Variants in PCDHA4 observed in about 807,000 individuals in gnomAD.
PCDHA4 encodes the protein protocadherin alpha-4.
Under a neutral mutation model 61.4 loss-of-function variants are expected in PCDHA4, and 49 were observed. That is an observed-to-expected ratio of 0.80 (90% confidence interval 0.63 to 1.01). PCDHA4 has a LOEUF of 1.01. Ranked by LOEUF, PCDHA4 falls within the 50% of genes least tolerant of loss-of-function variation. PCDHA4 has a pLI of 0.00. For missense variants in PCDHA4, 1,254 were observed against 1,235.8 expected (o/e 1.01, Z -0.22); for synonymous variants, 590 against 550.3 (o/e 1.07, Z -1.01).
At chr5:140,841,789 C>A (rs2150322679) in intron 1 of PCDHA4, 20 of 1,613,730 alleles carry the variant, frequency 1.2e-5, no homozygotes, top group Non-Finnish European at 1.6e-5. Context: ...CGCTAGAGGG[C>A]GCGTCCGATG....
At chr5:140,877,696 T>C (rs1554169994) in intron 1 of PCDHA4, 1 of 1,613,838 alleles carries the variant, frequency 6.2e-7, no homozygotes, top group South Asian at 1.1e-5. Flanking sequence ...GCTGGTGTGC[T>C]CCAGCGCCGT....
At chr5:140,851,653 A>G (rs1438249700) in intron 1 of PCDHA4, 1 of 911,018 alleles carries the variant, frequency 1.1e-6, no homozygotes, top group Non-Finnish European at 1.3e-6. Flanking sequence ...TCAAGAAGAC[A>G]TTCTCCTTTT....
At position 140,828,215 on chromosome 5, in the gene PCDHA4, G is replaced by C. The variant is rs2150152436; in HGVS notation, c.2385+18643G>C. On this transcript the variant is annotated intron_variant, in intron 1 of 3. Coordinates refer to ENST00000530339, the MANE Select transcript of PCDHA4 (RefSeq NM_018907.4). Reference sequence around the variant, plus strand: ...CTCCGTACCCGAGGAGGCCAAACACGGCACCTTCGTGGGCCGGATCGCGCA... The same window carrying C: ...CTCCGTACCCGAGGAGGCCAAACACCGCACCTTCGTGGGCCGGATCGCGCA... The C allele has an allele frequency of 6.2e-6, 10 of 1,613,898 alleles. No individual in the cohort carries two copies. In the African/African-American group the frequency reaches 1.1e-4, roughly 17 times the overall value.
chr5:140,866,062 C>T (rs1312576527), intron 1 of PCDHA4: 2 of 152,092 alleles, frequency 1.3e-5, no homozygotes, highest in Non-Finnish European at 2.9e-5. Context: ...ATCAATGCCA[C>T]ACTGAGATAG....
chr5:140,893,048 T>C (rs1462017776), intron 1 of PCDHA4, among the ~76,000 whole-genome samples: 1 of 152,250 alleles, frequency 6.6e-6, no homozygotes, highest in Non-Finnish European at 1.5e-5. Flanking sequence ...CCCTCCAGGC[T>C]CAGCCATACT....
At chr5:140,887,333 T>A (rs1214047567) in intron 1 of PCDHA4, among the ~76,000 whole-genome samples, 1 of 152,174 alleles carries the variant, frequency 6.6e-6, no homozygotes, top group African/African-American at 2.4e-5. Context: ...CCTGACCTCG[T>A]GATCCACCTG....
rs569728778 is a variant in PCDHA4 at position 140,900,297 on chromosome 5, T to G, written c.2386-78652T>G. 1.4e-4 allele frequency among the ~76,000 whole-genome samples: 22 copies of G among 151,920 alleles called. No individual in the cohort carries two copies. In the East Asian group the frequency reaches 4.1e-3, roughly 28 times the overall value. On this transcript the variant is annotated intron_variant, in intron 1 of 3. Transcript: ENST00000530339. Reference sequence around the variant, plus strand: ...TACCACACTTTCTTTTCTGTTTTTTTAGACAGTCTCACTTTTGTCGCCCAG... The same window carrying G: ...TACCACACTTTCTTTTCTGTTTTTTGAGACAGTCTCACTTTTGTCGCCCAG...
intron 1 of PCDHA4, chr5:140,869,970 A>G: frequency 3.7e-6 from 6 of 1,613,166 alleles, no homozygotes; most frequent in Non-Finnish European, 5.1e-6. Context: ...CCAATGGAAG[A>G]CACTTATTTA....
At chr5:140,977,448 CTCCTT>C (rs1554238572) in intron 1 of PCDHA4, among the ~76,000 whole-genome samples, 2 of 152,212 alleles carry the variant, frequency 1.3e-5, no homozygotes, top group Non-Finnish European at 2.9e-5. Context: ...ATAATGGAAA[CTCCTT>C]TGATTTGGTC....
chr5:141,009,482 C>A, intron 3 of PCDHA4, 145 bp from the exon 4 acceptor site: 1 of 1,446,086 alleles, frequency 6.9e-7, no homozygotes, highest in Non-Finnish European at 9.1e-7. Flanking sequence ...TAAACACTTG[C>A]CTTGCCCTCA....
In PCDHA4 at chr5:140,887,388, G is replaced by A. The variant is rs138166374; in HGVS notation, c.2385+77816G>A. ...TGGGATTACAGGTGTGAGCCACCGC[G>A]CCCGGCTCTTTATCTCATTTTTATT... is the stretch of plus-strand genomic sequence containing the variant. On this transcript the variant is annotated intron_variant, in intron 1 of 3. Transcript: ENST00000530339. 5.8e-3 allele frequency among the ~76,000 whole-genome samples: 888 copies of A among 152,192 alleles called. 10 individuals carry two copies. The highest frequency in any genetic ancestry group is 0.019 in the African/African-American group (805 of 41,536).
In PCDHA4 at chr5:140,981,033, G is replaced by GA. The variant is rs148859655; in HGVS notation, c.2445-1434dup. ...CACTTGAAGGCTGTTAATATTTGGG[G>GA]AAAAAAAACAGATAATTCTAGAGTG... On this transcript the variant is annotated intron_variant, in intron 2 of 3. Transcript: ENST00000530339. 8.2e-3 allele frequency among the ~76,000 whole-genome samples: 1,241 copies of GA among 151,610 alleles called. 19 individuals are homozygous for GA. Among genetic ancestry groups the GA allele is most frequent in the African/African-American group, 0.027 (1,115 of 41,338 alleles).
chr5:140,877,150 G>A (rs370292278), intron 1 of PCDHA4: 11 of 1,613,672 alleles, frequency 6.8e-6, no homozygotes, highest in Admixed American at 3.3e-5. Context: ...GGACGAGAAC[G>A]ACAACGCGCC....
intron 3 of PCDHA4, among the ~76,000 whole-genome samples, chr5:140,996,183 T>C (rs1360004898): frequency 6.6e-6 from 1 of 152,232 alleles, no homozygotes; most frequent in African/African-American, 2.4e-5. Context: ...AGCACCTCCA[T>C]TTTATACCCT....
chr5:140,857,290 C>A (rs781985413), intron 1 of PCDHA4: 2 of 1,598,706 alleles, frequency 1.3e-6, no homozygotes, highest in South Asian at 1.1e-5. Flanking sequence ...CTCTGGACCG[C>A]GAGAGGGTGT....
chr5:141,009,706 C>G lies in PCDHA4; in HGVS notation c.2613C>G (p.Gly871=). Reference sequence around the variant, plus strand: ...GCTGGACCTTTAAATACGGACCAGGCAACCCCAAACAATCCGGTCCCGGTG... The same window carrying G: ...GCTGGACCTTTAAATACGGACCAGGGAACCCCAAACAATCCGGTCCCGGTG... ...SNSWTFKYGP[G]NPKQSGPGEL... The change falls in exon 4 of 4, where the codon GGC becomes GGG. Residue 871 remains glycine, a synonymous_variant. Transcript: ENST00000530339. 1 of 1,614,118 alleles carries G rather than the reference C, an allele frequency of 6.2e-7. No homozygotes were observed. Among genetic ancestry groups the G allele is most frequent in the Non-Finnish European group, 8.5e-7 (1 of 1,180,020 alleles).
intron 1 of PCDHA4, chr5:140,848,269 G>A: frequency 2.0e-6 from 1 of 502,308 alleles, no homozygotes; most frequent in Non-Finnish European, 3.5e-6. Context: ...TTTTATTCAT[G>A]AAATATGTAC....
intron 1 of PCDHA4, among the ~76,000 whole-genome samples, chr5:140,940,100 C>T (rs536415343): frequency 6.6e-6 from 1 of 152,094 alleles, no homozygotes; most frequent in South Asian, 2.1e-4. Flanking sequence ...AAACTTTTAG[C>T]GTTATGTATT....
intron 1 of PCDHA4, among the ~76,000 whole-genome samples, chr5:140,951,327 C>T (rs782778063): frequency 5.3e-5 from 8 of 152,026 alleles, no homozygotes; most frequent in Non-Finnish European, 8.8e-5. Context: ...TGAGATTCAT[C>T]ATTCTGTTTG....
Sources: allele counts gnomAD v4.1 joint callset (sites outside exome capture counted in the v4.1 genomes callset), GRCh38; gene constraint gnomAD v4.1.1; transcripts MANE v1.5; gene names NCBI Gene and HGNC (gene_info 2026-07-23, HGNC 2026-07-21).